Variants in MOB1B observed in about 807,000 individuals in gnomAD.
MOB1B encodes MOB kinase activator 1B, also known as MOB1 Mps One Binder homolog B.
In MOB1B, 19 loss-of-function variants were observed where a neutral mutation model predicts 24.4. The ratio of observed to expected loss-of-function variants is 0.78; its 90% confidence interval spans 0.54 to 1.14. The LOEUF is 1.14. Among genes scored for constraint, MOB1B ranks in the 50% most tolerant of loss-of-function variants. The pLI, the probability that MOB1B is intolerant of heterozygous loss-of-function variation, is 0.00. For synonymous variants in MOB1B, 76 were observed against 82.1 expected (o/e 0.93, Z 0.40); for missense variants, 243 against 259.6 (o/e 0.94, Z 0.44).
chr4:70,977,290 G>C (rs977265557), intron 4 of MOB1B, among the ~76,000 whole-genome samples: 1 of 151,986 alleles, frequency 6.6e-6, no homozygotes, highest in African/African-American at 2.4e-5. Context: ...TCATGACATC[G>C]ATATTGTTGA....
At chr4:70,974,439 C>G (rs1351816803) in intron 3 of MOB1B, among the ~76,000 whole-genome samples, 1 of 152,122 alleles carries the variant, frequency 6.6e-6, no homozygotes, top group Non-Finnish European at 1.5e-5. Flanking sequence ...TACATCTTCA[C>G]TCTTGAGTCT....
At chr4:70,909,250 C>A (rs1449642904) in intron 1 of MOB1B, among the ~76,000 whole-genome samples, 1 of 152,030 alleles carries the variant, frequency 6.6e-6, no homozygotes, top group Non-Finnish European at 1.5e-5. Flanking sequence ...TCACTTCCCC[C>A]CAAGCCCCCA....
In MOB1B at chr4:70,982,105, G is replaced by A. The variant is rs1739235245; in HGVS notation, c.*48G>A. 7.4e-7 allele frequency: 1 copy of A among 1,343,578 alleles called. No individual in the cohort carries two copies. 83.2% of individuals were successfully genotyped at this position (1,343,578 alleles called of 1,614,324 possible). A position where few individuals can be genotyped will look rare whatever the true frequency, so the allele number is the denominator to read the frequency against. ...TGTTCCTCAAATGAAGCAGTGTGGA[G>A]TGTATTGGGGATTTTGTTATATTTT... On this transcript the variant is annotated 3_prime_UTR_variant, in exon 6 of 6. Transcript: ENST00000309395.
At chr4:70,946,591 T>G (rs1737592702) in intron 1 of MOB1B, among the ~76,000 whole-genome samples, 1 of 152,228 alleles carries the variant, frequency 6.6e-6, no homozygotes, top group South Asian at 2.1e-4. Context: ...CATGTAAATA[T>G]GCATATATAT....
At chr4:70,904,131 C>T (rs1017505512) in intron 1 of MOB1B, among the ~76,000 whole-genome samples, 32 of 151,254 alleles carry the variant, frequency 2.1e-4, no homozygotes, top group Non-Finnish European at 4.0e-4. Context: ...TACAGGCCCG[C>T]GCCACCACGC....
intron 1 of MOB1B, among the ~76,000 whole-genome samples, chr4:70,924,522 G>A (rs564056940): frequency 6.6e-6 from 1 of 151,858 alleles, no homozygotes; most frequent in African/African-American, 2.4e-5. Context: ...TAGGGTACAC[G>A]AGCACAACGT....
chr4:70,930,421 T>G (rs1736843473), intron 1 of MOB1B, among the ~76,000 whole-genome samples: 1 of 152,206 alleles, frequency 6.6e-6, no homozygotes, highest in African/African-American at 2.4e-5. Context: ...AGTTTCTGAT[T>G]ATTTCAGGAT....
intron 1 of MOB1B, among the ~76,000 whole-genome samples, chr4:70,943,135 C>T (rs1052911749): frequency 3.3e-5 from 5 of 152,106 alleles, no homozygotes; most frequent in African/African-American, 1.2e-4. Context: ...AGTACTTTAC[C>T]TTTTAAAAAT....
chr4:70,965,296 C>CAAAAAAAAAAAAAAAAAA (rs1175536577), intron 2 of MOB1B, among the ~76,000 whole-genome samples: 1 of 36,218 alleles, frequency 2.8e-5, no homozygotes. Flanking sequence ...GACTTCATCT[C>CAAAAAAAAAAAAAAAAAA]AAAAAAAAAA....
At chr4:70,928,441 G>C (rs1004463652) in intron 1 of MOB1B, among the ~76,000 whole-genome samples, 1 of 151,718 alleles carries the variant, frequency 6.6e-6, no homozygotes, top group African/African-American at 2.4e-5. Flanking sequence ...GATTACAGGC[G>C]CGTGCCACCA....
At position 70,976,774 on chromosome 4, in the gene MOB1B, A is replaced by C. The variant is rs201560374; in HGVS notation, c.409+1488A>C. 1,605 of 188,120 alleles carry C rather than the reference A, an allele frequency of 8.5e-3. 12 individuals are homozygous for C. The highest frequency in any genetic ancestry group is 0.033 in the East Asian group (174 of 5,232). The allele number at this position is 188,120 out of a possible 1,614,324, so 11.7% of individuals were successfully genotyped here. On this transcript the variant is annotated intron_variant, in intron 4 of 5. Coordinates refer to ENST00000309395, the MANE Select transcript of MOB1B (RefSeq NM_173468.4). Reference sequence around the variant, plus strand: ...ATTACATATATATATATATATATATATCTCTCTCTCTCAATCATAAGGGTT... The same window carrying C: ...ATTACATATATATATATATATATATCTCTCTCTCTCTCAATCATAAGGGTT...
intron 1 of MOB1B, among the ~76,000 whole-genome samples, chr4:70,943,682 C>T (rs1737445016): frequency 6.6e-6 from 1 of 152,146 alleles, no homozygotes; most frequent in Non-Finnish European, 1.5e-5. Context: ...AGTTAACGCA[C>T]ACTTCTCATA....
intron 3 of MOB1B, among the ~76,000 whole-genome samples, chr4:70,974,482 A>C (rs1190114445): frequency 6.6e-6 from 1 of 152,108 alleles, no homozygotes; most frequent in South Asian, 2.1e-4. Flanking sequence ...CCTTGAGAGT[A>C]GGGAAAGTGT....
intron 1 of MOB1B, among the ~76,000 whole-genome samples, chr4:70,948,809 A>G (rs991228270): frequency 6.6e-6 from 1 of 151,276 alleles, no homozygotes; most frequent in East Asian, 1.9e-4. Flanking sequence ...TGCCTAATGT[A>G]TAGAGGTATG....
At position 70,949,348 on chromosome 4, in the gene MOB1B, G is replaced by A. The variant is rs188364560; in HGVS notation, c.15-9526G>A. 1.3e-4 allele frequency among the ~76,000 whole-genome samples: 20 copies of A among 152,318 alleles called. No individual in the cohort carries two copies. The East Asian group carries it at 3.9e-3, about 29-fold the overall frequency. ...GATATGTCTGTTCAGACTGCTGTCT[G>A]TCTTGAAACAAGGTTATCTTTTCAA... On this transcript the variant is annotated intron_variant, in intron 1 of 5. Transcript: ENST00000309395.
chr4:70,940,532 T>G (rs906045077), intron 1 of MOB1B, among the ~76,000 whole-genome samples: 1 of 152,204 alleles, frequency 6.6e-6, no homozygotes, highest in Non-Finnish European at 1.5e-5. Context: ...GTATTAGGTA[T>G]CCTAGAGGAT....
intron 1 of MOB1B, among the ~76,000 whole-genome samples, chr4:70,953,973 A>G (rs1737921413): frequency 6.6e-6 from 1 of 152,082 alleles, no homozygotes. Context: ...GAAAGTTGCA[A>G]AATGGGGAGT....
chr4:70,962,392 A>C (rs1247957509), intron 2 of MOB1B, among the ~76,000 whole-genome samples: 2 of 152,220 alleles, frequency 1.3e-5, no homozygotes, highest in East Asian at 3.8e-4. Context: ...CCAGTGGTCC[A>C]TATAAATAGG....
intron 5 of MOB1B, among the ~76,000 whole-genome samples, chr4:70,979,515 G>A (rs976028916): frequency 6.6e-6 from 1 of 152,136 alleles, no homozygotes; most frequent in African/African-American, 2.4e-5. Flanking sequence ...GAAAAGTTGT[G>A]CCTTGGATTT....
Sources: allele counts gnomAD v4.1 joint callset (sites outside exome capture counted in the v4.1 genomes callset), GRCh38; gene constraint gnomAD v4.1.1; transcripts MANE v1.5; gene names NCBI Gene and HGNC (gene_info 2026-07-23, HGNC 2026-07-21).